Variants in RCOR1 observed in about 807,000 individuals in gnomAD.
RCOR1 encodes the protein REST corepressor.
Under a neutral mutation model 64.0 loss-of-function variants are expected in RCOR1, and 12 were observed. The ratio of observed to expected loss-of-function variants is 0.19; its 90% CI spans 0.12 to 0.30. The LOEUF (loss-of-function observed/expected upper bound fraction) is 0.30. Ranked by LOEUF, RCOR1 falls within the 10% of genes least tolerant of loss-of-function variation. RCOR1 has a pLI of 1.00. For synonymous variants in RCOR1, 279 were observed against 227.2 expected, an observed-to-expected ratio of 1.23 and a Z score of -2.05; for missense variants, 502 against 621.2, an observed-to-expected ratio of 0.81 and a Z score of 2.04.
At chr14:102,676,877 T>A (rs865873237) in intron 2 of RCOR1, among the ~76,000 whole-genome samples, 1 of 66,866 alleles carries the variant, frequency 1.5e-5, no homozygotes, top group South Asian at 5.7e-4. Flanking sequence ...ACCTCCCTCC[T>A]GGACGGGGCG....
At chr14:102,714,677 G>T in intron 8 of RCOR1, 60 bp downstream of exon 8, 1 of 1,307,756 alleles carries the variant, frequency 7.6e-7, no homozygotes. Flanking sequence ...AGGTGTTTCT[G>T]TTATTCATAT....
chr14:102,710,898 C>G, intron 6 of RCOR1, 37 bp from the exon 7 acceptor site: 4 of 1,461,752 alleles, frequency 2.7e-6, no homozygotes, highest in Non-Finnish European at 3.8e-6. Context: ...AAAATTAGTA[C>G]AAAATAATCA....
chr14:102,618,105 C>T (rs1021616225), intron 2 of RCOR1, among the ~76,000 whole-genome samples: 2 of 151,384 alleles, frequency 1.3e-5, no homozygotes, highest in Non-Finnish European at 1.5e-5. Flanking sequence ...TCCTGAGTAG[C>T]TGGGATTACA....
intron 2 of RCOR1, among the ~76,000 whole-genome samples, chr14:102,637,462 T>A (rs1894268033): frequency 6.6e-6 from 1 of 151,870 alleles, no homozygotes; most frequent in South Asian, 2.1e-4. Context: ...TTTAAAAAAA[T>A]GTTTCTGAGA....
At chr14:102,707,257 A>G (rs577358653) in intron 4 of RCOR1, 94 bp from the exon 5 acceptor site, 2 of 1,069,358 alleles carry the variant, frequency 1.9e-6, no homozygotes, top group Admixed American at 5.0e-5. Flanking sequence ...GTTTGTCTAA[A>G]TATGAAGTCG....
chr14:102,706,304 T>C (rs1353337428), intron 4 of RCOR1, among the ~76,000 whole-genome samples: 2 of 151,896 alleles, frequency 1.3e-5, no homozygotes, highest in African/African-American at 4.8e-5. Flanking sequence ...GGGTAAAAAT[T>C]ACAGGATCCC....
chr14:102,716,352 A>G (rs1896068692), intron 8 of RCOR1, among the ~76,000 whole-genome samples: 2 of 152,122 alleles, frequency 1.3e-5, no homozygotes, highest in South Asian at 4.1e-4. Context: ...TCTCAATGGT[A>G]TCTTTTGATG....
rs1445111813 is a variant in RCOR1, at chr14:102,593,201, GC to G, written c.301+19del. ...ACGAGGAGCACGGTAGGTGGCAGCC[GC>G]CCCCGCGGCCCCGGGCCCCGCGCCC... On this transcript the variant is annotated intron_variant, in intron 1 of 11. Coordinates refer to ENST00000262241, the MANE Select transcript of RCOR1 (RefSeq NM_015156.4). 4 of 1,476,238 alleles carry G rather than the reference GC, an allele frequency of 2.7e-6. No individual in the cohort carries two copies. The highest frequency in any genetic ancestry group is 2.8e-5 in the Admixed American group (1 of 35,750). 91.4% of individuals were successfully genotyped at this position (1,476,238 alleles called of 1,614,324 possible). A position where few individuals can be genotyped will look rare whatever the true frequency, so the allele number is the denominator to read the frequency against.
intron 2 of RCOR1, among the ~76,000 whole-genome samples, chr14:102,604,075 C>T (rs1893455262): frequency 6.6e-6 from 1 of 151,970 alleles, no homozygotes; most frequent in East Asian, 1.9e-4. Flanking sequence ...TTGGTGTATA[C>T]CCCTGATTTC....
At chr14:102,594,852 G>A (rs943695612) in intron 2 of RCOR1, among the ~76,000 whole-genome samples, 1 of 152,050 alleles carries the variant, frequency 6.6e-6, no homozygotes, top group African/African-American at 2.4e-5. Context: ...TTAAAACACA[G>A]AACATAAAGC....
chr14:102,636,985 A>G (rs1595206539), intron 2 of RCOR1, among the ~76,000 whole-genome samples: 1 of 152,238 alleles, frequency 6.6e-6, no homozygotes, highest in Middle Eastern at 3.4e-3. Context: ...AAAACAAAAC[A>G]AAACAAAACA....
chr14:102,632,713 C>T (rs1228530016), intron 2 of RCOR1, among the ~76,000 whole-genome samples: 217 of 87,502 alleles, frequency 2.5e-3, no homozygotes, highest in Middle Eastern at 7.1e-3. Context: ...TTTCCTTTTC[C>T]TTTCCTTTCC....
intron 8 of RCOR1, among the ~76,000 whole-genome samples, chr14:102,719,675 T>C (rs1288303115): frequency 6.6e-6 from 1 of 152,238 alleles, no homozygotes; most frequent in African/African-American, 2.4e-5. Context: ...TATAGGCTAC[T>C]GAGCATTTAG....
intron 2 of RCOR1, among the ~76,000 whole-genome samples, chr14:102,671,342 A>G (rs1246981837): frequency 2.0e-5 from 3 of 152,192 alleles, no homozygotes; most frequent in Middle Eastern, 3.4e-3. Context: ...CAGGTGTTCT[A>G]ATGGCTGTGG....
At chr14:102,669,838 T>G (rs1894995915) in intron 2 of RCOR1, among the ~76,000 whole-genome samples, 1 of 152,226 alleles carries the variant, frequency 6.6e-6, no homozygotes. Flanking sequence ...AGCCAAAAAT[T>G]TTGGAGTCAT....
At chr14:102,635,659 A>T (rs1048124547) in intron 2 of RCOR1, among the ~76,000 whole-genome samples, 12 of 151,012 alleles carry the variant, frequency 7.9e-5, no homozygotes, top group African/African-American at 2.9e-4. Context: ...AAGTTGACAC[A>T]TTTTTTTTTC....
At chr14:102,702,430 A>G (rs1008505574) in intron 4 of RCOR1, among the ~76,000 whole-genome samples, 9 of 151,280 alleles carry the variant, frequency 5.9e-5, no homozygotes, top group African/African-American at 1.7e-4. Flanking sequence ...TGCTTATTCT[A>G]TTTCTACTTT....
chr14:102,630,265 G>T (rs1161673044), intron 2 of RCOR1, among the ~76,000 whole-genome samples: 1 of 152,160 alleles, frequency 6.6e-6, no homozygotes, highest in East Asian at 1.9e-4. Context: ...CTCTGGCCAT[G>T]TGACCTCTTC....
At chr14:102,649,365 A>G (rs1240805018) in intron 2 of RCOR1, among the ~76,000 whole-genome samples, 1 of 152,210 alleles carries the variant, frequency 6.6e-6, no homozygotes, top group African/African-American at 2.4e-5. Flanking sequence ...AGCTAGTGTG[A>G]TATCACTTGT....
Sources: gnomAD v4.1 joint callset for allele counts (sites outside exome capture counted in the v4.1 genomes callset) on GRCh38, gnomAD v4.1.1 for gene constraint, MANE v1.5 for transcripts, NCBI Gene and HGNC (gene_info 2026-07-23, HGNC 2026-07-21) for gene names.